The following TSNAX variants were observed in gnomAD, a reference collection of about 807,000 sequenced individuals.
TSNAX encodes translin associated factor X.
Under a neutral mutation model 33.0 loss-of-function variants are expected in TSNAX, and 12 were observed. That is an observed-to-expected ratio of 0.36 (90% CI 0.23 to 0.59). The LOEUF (loss-of-function observed/expected upper bound fraction) is 0.59. Among genes scored for constraint, TSNAX ranks in the 20% least tolerant of loss-of-function variants. The pLI, the probability that TSNAX is intolerant of heterozygous loss-of-function variation, is 0.74. For missense variants in TSNAX, 267 were observed against 341.3 expected, an observed-to-expected ratio of 0.78 and a Z score of 1.72; for synonymous variants, 110 against 117.2, an observed-to-expected ratio of 0.94 and a Z score of 0.40.
intron 4 of TSNAX, among the ~76,000 whole-genome samples, chr1:231,548,391 C>T (rs527591373): frequency 8.5e-5 from 13 of 152,244 alleles, no homozygotes; most frequent in African/African-American, 3.1e-4. Flanking sequence ...GCTTTAGAAC[C>T]TAGGACATCC....
intron 2 of TSNAX, among the ~76,000 whole-genome samples, chr1:231,531,131 A>T (rs909584319): frequency 4.6e-5 from 7 of 151,620 alleles, no homozygotes; most frequent in Non-Finnish European, 1.0e-4. Context: ...ATTTTTTTAA[A>T]TTTTTTTGTA....
chr1:231,553,719 T>C (rs2124929716), intron 4 of TSNAX, among the ~76,000 whole-genome samples: 1 of 149,162 alleles, frequency 6.7e-6, no homozygotes, highest in Non-Finnish European at 1.5e-5. Context: ...GGAGTTTTGC[T>C]CTTGTTGCCC....
At chr1:231,555,580 A>G (rs887028348) in intron 4 of TSNAX, among the ~76,000 whole-genome samples, 1 of 152,226 alleles carries the variant, frequency 6.6e-6, no homozygotes, top group African/African-American at 2.4e-5. Context: ...TGTTTGTTTT[A>G]CCACAATTAA....
At chr1:231,551,798 TAAA>T (rs750366346) in intron 4 of TSNAX, among the ~76,000 whole-genome samples, 17 of 77,718 alleles carry the variant, frequency 2.2e-4, no homozygotes, top group African/African-American at 5.6e-4. Context: ...TACAAAAAAG[TAAA>T]AAAAAAAAAA....
chr1:231,537,156 T>C (rs1053763415), intron 2 of TSNAX, 57 bp from the exon 3 acceptor site: 6 of 1,333,686 alleles, frequency 4.5e-6, no homozygotes, highest in South Asian at 2.6e-5. Flanking sequence ...TTAAAAATAT[T>C]GTTTGGTAGG....
chr1:231,541,700 A>G (rs926941068), intron 3 of TSNAX, among the ~76,000 whole-genome samples: 1 of 152,104 alleles, frequency 6.6e-6, no homozygotes, highest in Non-Finnish European at 1.5e-5. Flanking sequence ...ACTTCTTTTA[A>G]TATTTTTTGT....
Position 231,537,210 on chromosome 1 carries a change from T to TA in TSNAX, c.122-2dup, listed in dbSNP as rs1659240840. 6.9e-6 allele frequency: 11 copies of TA among 1,602,602 alleles called. No individual in the cohort carries two copies. The highest frequency in any genetic ancestry group is 7.7e-6 in the Non-Finnish European group (9 of 1,172,190). ...CATGCTTATGATCATAATGTGTTTT[T>TA]AGCATTTCAGCAGGAACTTGATGCA... On this transcript the variant is annotated splice_region_variant and splice_polypyrimidine_tract_variant and intron_variant, in intron 2 of 5. Transcript: ENST00000366639.
rs972985637 is a variant in TSNAX, at chr1:231,566,321, A to G, written c.*1416A>G. The G allele has an allele frequency of 3.9e-5, 6 of 152,594 alleles. No homozygotes were observed. The highest frequency in any genetic ancestry group is 1.2e-4 in the African/African-American group (5 of 41,444). 9.5% of individuals were successfully genotyped at this position (152,594 alleles called of 1,614,324 possible). A position where few individuals can be genotyped will look rare whatever the true frequency, so the allele number is the denominator to read the frequency against. On this transcript the variant is annotated 3_prime_UTR_variant, in exon 6 of 6. Coordinates refer to ENST00000366639, the MANE Select transcript of TSNAX (RefSeq NM_005999.3). ...TTAGAATTGGAATTTGCCTACTGAA[A>G]TAGTTATAGATGATTACTTGTGATG...
rs1295706483 is a variant in TSNAX at position 231,531,724 on chromosome 1, A to G, written c.121+2365A>G. 3.3e-5 allele frequency among the ~76,000 whole-genome samples: 5 copies of G among 152,184 alleles called. No homozygotes were observed. The South Asian group carries it at 6.2e-4, about 19-fold the overall frequency. On this transcript the variant is annotated intron_variant, in intron 2 of 5. Transcript: ENST00000366639. ...TGTTTTTTCAGTTCGTGCAATATAC[A>G]TGATTGGGTGTTTCCTATAGGCCAG...
intron 3 of TSNAX, among the ~76,000 whole-genome samples, chr1:231,541,534 T>C (rs1437768420): frequency 6.6e-6 from 1 of 152,230 alleles, no homozygotes; most frequent in Non-Finnish European, 1.5e-5. Context: ...ATTTCTACTT[T>C]TGTTGTTTCC....
chr1:231,546,207 A>G (rs1265842740), intron 4 of TSNAX, among the ~76,000 whole-genome samples: 3 of 152,228 alleles, frequency 2.0e-5, no homozygotes, highest in East Asian at 1.9e-4. Context: ...CAGACACCTA[A>G]TAAGTCTCCC....
At chr1:231,561,479 G>C (rs919068314) in intron 5 of TSNAX, among the ~76,000 whole-genome samples, 1 of 152,186 alleles carries the variant, frequency 6.6e-6, no homozygotes, top group Non-Finnish European at 1.5e-5. Context: ...TTTACCTAAA[G>C]CATTATGGAG....
At chr1:231,555,430 A>C (rs142474278) in intron 4 of TSNAX, among the ~76,000 whole-genome samples, 9 of 152,226 alleles carry the variant, frequency 5.9e-5, no homozygotes, top group Admixed American at 1.3e-4. Context: ...TAGATTAAGA[A>C]ATGCTAGGTC....
At chr1:231,561,925 A>G (rs1466079776) in intron 5 of TSNAX, among the ~76,000 whole-genome samples, 4 of 152,212 alleles carry the variant, frequency 2.6e-5, no homozygotes, top group Non-Finnish European at 4.4e-5. Flanking sequence ...GTTTTTATAT[A>G]GTGAGAGCTG....
At chr1:231,556,348 T>C (rs943119832) in intron 4 of TSNAX, among the ~76,000 whole-genome samples, 2 of 152,308 alleles carry the variant, frequency 1.3e-5, no homozygotes, top group Admixed American at 1.3e-4. Flanking sequence ...GAACTATTCT[T>C]CCACTGAAAT....
At position 231,529,954 on chromosome 1, in the gene TSNAX, C is replaced by G. The variant is rs187048760; in HGVS notation, c.121+595C>G. Among the ~76,000 whole-genome samples the G allele has an allele frequency of 5.3e-5, 8 of 152,344 alleles. No individual in the cohort carries two copies. The East Asian group carries it at 1.4e-3, about 26-fold the overall frequency. The stretch of plus-strand genomic sequence containing the variant: ...CTGTGATTAAGGAATCTGGGAAGGG[C>G]TTAGCTGGTTGATTCCTATTTGCAA... On this transcript the variant is annotated intron_variant, in intron 2 of 5. Transcript: ENST00000366639.
intron 4 of TSNAX, among the ~76,000 whole-genome samples, chr1:231,549,512 AT>A (rs1259924963): frequency 6.6e-6 from 1 of 152,202 alleles, no homozygotes; most frequent in Non-Finnish European, 1.5e-5. Flanking sequence ...GCTGTTAATC[AT>A]TTTTGAAAGT....
At chr1:231,560,879 C>T (rs1661067276) in intron 4 of TSNAX, among the ~76,000 whole-genome samples, 2 of 152,094 alleles carry the variant, frequency 1.3e-5, no homozygotes, top group African/African-American at 4.8e-5. Context: ...AGGCTGGTCT[C>T]CATCTCCTGA....
rs1393874401 is a variant in TSNAX at position 231,537,343 on chromosome 1, T to C, written c.236+16T>C. The C allele has an allele frequency of 6.6e-7, 1 of 1,516,876 alleles. No individual in the cohort carries two copies. The highest frequency in any genetic ancestry group is 1.4e-5 in the African/African-American group (1 of 72,480). The allele number at this position is 1,516,876 out of a possible 1,614,324, so 94.0% of individuals were successfully genotyped here. ...GGATTACAAGGTGAGTAAGCATCTTTAGAATTTATTACAGTTTGATACTAG... is the reference window on the plus strand; with the variant it reads ...GGATTACAAGGTGAGTAAGCATCTTCAGAATTTATTACAGTTTGATACTAG... On this transcript the variant is annotated intron_variant, in intron 3 of 5. Transcript: ENST00000366639.
Sources: gnomAD v4.1 joint callset for allele counts (sites outside exome capture counted in the v4.1 genomes callset) on GRCh38, gnomAD v4.1.1 for gene constraint, MANE v1.5 for transcripts, NCBI Gene and HGNC (gene_info 2026-07-23, HGNC 2026-07-21) for gene names.